Variants in ST6GALNAC3 observed in about 807,000 individuals in gnomAD.
The protein encoded by ST6GALNAC3 is alpha-N-acetylgalactosaminide alpha-2,6-sialyltransferase 3.
In ST6GALNAC3, 25 loss-of-function variants were observed where a neutral mutation model predicts 32.7. That is an observed-to-expected ratio of 0.76 (90% CI 0.56 to 1.07). The LOEUF is 1.07. Among genes scored for constraint, ST6GALNAC3 ranks in the 50% least tolerant of loss-of-function variants. The pLI is 0.00. For synonymous variants in ST6GALNAC3, 129 were observed against 133.1 expected (o/e 0.97, Z 0.21); for missense variants, 355 against 382.4 (o/e 0.93, Z 0.60).
intron 3 of ST6GALNAC3, among the ~76,000 whole-genome samples, chr1:76,564,805 G>C (rs537413918): frequency 6.6e-5 from 10 of 151,928 alleles, no homozygotes; most frequent in African/African-American, 9.7e-5. Flanking sequence ...GGATGGTCTC[G>C]ATCTCCTGAC....
In ST6GALNAC3 at chr1:76,634,237, C is replaced by T. The variant is rs1649434404; in HGVS notation, c.*5431C>T. On this transcript the variant is annotated 3_prime_UTR_variant, in exon 5 of 5. Transcript: ENST00000328299. ...AATAAACAGTCAACTACCAAGTTCA[C>T]ATATTTGCCTATGAAGTGAGAGCTA... The T allele has an allele frequency of 3.4e-6, 3 of 871,334 alleles. No individual in the cohort carries two copies. The highest frequency in any genetic ancestry group is 4.1e-6 in the Non-Finnish European group (3 of 725,960). The allele number at this position is 871,334 out of a possible 1,614,324, so 54.0% of individuals were successfully genotyped here.
At chr1:76,385,199 A>G (rs1011629287) in intron 2 of ST6GALNAC3, among the ~76,000 whole-genome samples, 2 of 152,170 alleles carry the variant, frequency 1.3e-5, no homozygotes, top group South Asian at 2.1e-4. Context: ...GGCAAACATT[A>G]CAAACAGAAG....
At chr1:76,554,463 C>T (rs763296770) in intron 3 of ST6GALNAC3, among the ~76,000 whole-genome samples, 64 of 152,232 alleles carry the variant, frequency 4.2e-4, no homozygotes, top group Non-Finnish European at 4.0e-4. Flanking sequence ...GAGGACACTT[C>T]ATGTGGGGCA....
chr1:76,269,835 G>A (rs190955624), intron 1 of ST6GALNAC3, among the ~76,000 whole-genome samples: 51 of 152,300 alleles, frequency 3.3e-4, no homozygotes, highest in Non-Finnish European at 6.3e-4. Flanking sequence ...CCTTGTTAAT[G>A]AGCCCTGTCT....
At chr1:76,454,666 G>A (rs1032054055) in intron 3 of ST6GALNAC3, among the ~76,000 whole-genome samples, 3 of 152,108 alleles carry the variant, frequency 2.0e-5, no homozygotes, top group African/African-American at 7.2e-5. Flanking sequence ...TAATCTGATA[G>A]GTTTTCCTTT....
chr1:76,082,833 G>A (rs1184370072), intron 1 of ST6GALNAC3, among the ~76,000 whole-genome samples: 3 of 151,762 alleles, frequency 2.0e-5, no homozygotes, highest in African/African-American at 2.4e-5. Flanking sequence ...CAGATTTGTC[G>A]GAGGCCAGAA....
At chr1:76,516,018 T>C (rs548400621) in intron 3 of ST6GALNAC3, among the ~76,000 whole-genome samples, 1 of 152,354 alleles carries the variant, frequency 6.6e-6, no homozygotes, top group East Asian at 1.9e-4. Context: ...AGTCCGATAC[T>C]ATTATTGTAT....
At chr1:76,105,257 T>G (rs1428451325) in intron 1 of ST6GALNAC3, among the ~76,000 whole-genome samples, 1 of 152,234 alleles carries the variant, frequency 6.6e-6, no homozygotes, top group Admixed American at 6.5e-5. Flanking sequence ...AGAGAAAGTT[T>G]TAAAGCAAGG....
rs982758423 is a variant in ST6GALNAC3 at position 76,506,296 on chromosome 1, A to T, written c.623+93879A>T. 4.6e-5 allele frequency among the ~76,000 whole-genome samples: 7 copies of T among 152,344 alleles called. No homozygotes were observed. In the East Asian group the frequency reaches 5.8e-4, roughly 13 times the overall value. ...AAAAGAAAGAGAAGACTCATATCCC[A>T]GGAAGGAAGGAATCTGGGCCTGTCT... On this transcript the variant is annotated intron_variant, in intron 3 of 4. Coordinates refer to ENST00000328299, the MANE Select transcript of ST6GALNAC3 (RefSeq NM_152996.4).
intron 1 of ST6GALNAC3, among the ~76,000 whole-genome samples, chr1:76,262,312 C>T (rs1658284758): frequency 6.6e-6 from 1 of 152,194 alleles, no homozygotes; most frequent in South Asian, 2.1e-4. Context: ...CCCAGCTCTG[C>T]CTGACACCAG....
intron 3 of ST6GALNAC3, among the ~76,000 whole-genome samples, chr1:76,495,053 A>C (rs949164282): frequency 6.6e-6 from 1 of 152,092 alleles, no homozygotes; most frequent in Admixed American, 6.6e-5. Flanking sequence ...AGCAGATTGG[A>C]TGAGGCATCC....
intron 1 of ST6GALNAC3, among the ~76,000 whole-genome samples, chr1:76,272,690 G>C (rs2210831): frequency 6.6e-6 from 1 of 152,038 alleles, no homozygotes; most frequent in Non-Finnish European, 1.5e-5. Context: ...CTATCATCAG[G>C]TGTCATCTTT....
At chr1:76,489,968 G>T (rs555002205) in intron 3 of ST6GALNAC3, among the ~76,000 whole-genome samples, 2 of 152,090 alleles carry the variant, frequency 1.3e-5, no homozygotes, top group South Asian at 4.1e-4. Context: ...ACATACCCTC[G>T]GTGTAAATCT....
intron 2 of ST6GALNAC3, among the ~76,000 whole-genome samples, chr1:76,338,535 C>T (rs1414795532): frequency 6.6e-6 from 1 of 152,196 alleles, no homozygotes; most frequent in Non-Finnish European, 1.5e-5. Flanking sequence ...TCTGCTTCCT[C>T]TATAGCAATA....
At chr1:76,569,808 A>C (rs1427442926) in intron 3 of ST6GALNAC3, among the ~76,000 whole-genome samples, 1 of 152,144 alleles carries the variant, frequency 6.6e-6, no homozygotes, top group Non-Finnish European at 1.5e-5. Context: ...ACTGTTCAAT[A>C]CTGAGTCATT....
intron 1 of ST6GALNAC3, among the ~76,000 whole-genome samples, chr1:76,277,590 G>GTATA (rs373731545): frequency 0.027 from 1,230 of 46,132 alleles, 14 homozygotes; most frequent in South Asian, 0.058. Flanking sequence ...ATGTTTATGT[G>GTATA]TATATATATA....
intron 1 of ST6GALNAC3, among the ~76,000 whole-genome samples, chr1:76,124,166 C>T (rs778245998): frequency 6.6e-6 from 1 of 152,152 alleles, no homozygotes; most frequent in Non-Finnish European, 1.5e-5. Flanking sequence ...CTCCCGACTA[C>T]GATTGCTGGA....
chr1:76,112,260 C>T (rs1466134584), intron 1 of ST6GALNAC3, among the ~76,000 whole-genome samples: 1 of 143,632 alleles, frequency 7.0e-6, no homozygotes, highest in African/African-American at 2.6e-5. Context: ...CCCCCACCTC[C>T]TTCCTGGACA....
intron 3 of ST6GALNAC3, among the ~76,000 whole-genome samples, chr1:76,485,754 G>A (rs1660066788): frequency 1.3e-5 from 2 of 151,982 alleles, no homozygotes; most frequent in South Asian, 2.1e-4. Flanking sequence ...GCTATTTCTT[G>A]CCTTCTGCTA....
Sources: allele counts gnomAD v4.1 joint callset (sites outside exome capture counted in the v4.1 genomes callset), GRCh38; gene constraint gnomAD v4.1.1; transcripts MANE v1.5; gene names NCBI Gene and HGNC (gene_info 2026-07-23, HGNC 2026-07-21).